Variants in HERC2 observed in about 807,000 individuals in gnomAD.
HERC2 encodes HECT and RLD domain containing E3 ubiquitin protein ligase 2, also known as E3 ubiquitin-protein ligase HERC2.
In HERC2, 102 loss-of-function variants were observed where a neutral mutation model predicts 537.7. That is an observed-to-expected ratio of 0.19 (90% CI 0.16 to 0.22). The LOEUF is 0.22. Ranked by LOEUF, HERC2 falls within the 10% of genes least tolerant of loss-of-function variation. The probability of loss-of-function intolerance (pLI) is 1.00; values close to 1 mark genes in which losing one functional copy is unlikely to be tolerated. For synonymous variants in HERC2, 2,224 were observed against 2,466.2 expected (o/e 0.90, Z 2.91); for missense variants, 4,236 against 6,198.2 (o/e 0.68, Z 10.63).
chr15:28,273,766 A>C (rs1596366840), intron 7 of HERC2, among the ~76,000 whole-genome samples: 1 of 152,204 alleles, frequency 6.6e-6, no homozygotes, highest in African/African-American at 2.4e-5. Flanking sequence ...GTTGAATTTT[A>C]TATTTTCTTT....
intron 14 of HERC2, among the ~76,000 whole-genome samples, chr15:28,264,750 A>G (rs936852710): frequency 6.6e-6 from 1 of 152,172 alleles, no homozygotes; most frequent in Non-Finnish European, 1.5e-5. Flanking sequence ...ACCGGGAAAT[A>G]TTTTAAGGTC....
chr15:28,181,643 C>T lies in HERC2; in HGVS notation c.8937+758G>A, dbSNP rs184795932. On this transcript the variant is annotated intron_variant, in intron 57 of 92. Transcript: ENST00000261609. ...ATTTAGAGGAATTTGCTTTGTGGCT[C>T]CTCAGCCAGGAGACACTAAGTAATA... Among the ~76,000 whole-genome samples, 75 of 152,302 alleles carry T rather than the reference C, an allele frequency of 4.9e-4. No individual in the cohort carries two copies. In the East Asian group the frequency reaches 9.7e-3, roughly 20 times the overall value.
chr15:28,237,282 A>G (rs1902564514), intron 25 of HERC2, among the ~76,000 whole-genome samples, 169 bp from the exon 26 acceptor site: 1 of 152,260 alleles, frequency 6.6e-6, no homozygotes, highest in South Asian at 2.1e-4. Context: ...CCCAAGTAAC[A>G]GCAGATACCA....
rs759243796 is a variant in HERC2 at position 28,113,627 on chromosome 15, G to T, written c.13965C>A (p.Arg4655=). The stretch of plus-strand genomic sequence containing the variant: ...GAGAGAGGAGGGGAACAGGCACAAC[G>T]CGGGCCATTCCTTCCCGAACAGCAG... ...QVAAVREGMA[R]VVPVPLLSLF... The change falls in exon 91 of 93, where the codon CGC becomes CGA. Residue 4655 remains arginine, a synonymous_variant. Coordinates refer to ENST00000261609, the MANE Select transcript of HERC2 (RefSeq NM_004667.6). The surrounding 1 kb of genome is among the most constrained non-coding windows in gnomAD (Gnocchi z 7.0). 1.9e-6 allele frequency: 3 copies of T among 1,614,082 alleles called. No homozygotes were observed. Among genetic ancestry groups the T allele is most frequent in the Non-Finnish European group, 2.5e-6 (3 of 1,180,036 alleles).
intron 2 of HERC2, among the ~76,000 whole-genome samples, chr15:28,304,165 CAAAAAAAA>C (rs779514776): frequency 7.8e-5 from 5 of 63,818 alleles, no homozygotes; most frequent in Non-Finnish European, 1.2e-4. Context: ...GACTCCATCT[CAAAAAAAA>C]AAAAAAAAAA....
chr15:28,177,166 T>C lies in HERC2; in HGVS notation c.9255-39A>G. ...AAATCAGCTCTCTACAGTCAATCTG[T>C]CCCTTCTTAGAGATGAAGGAAAAAA... On this transcript the variant is annotated intron_variant, in intron 60 of 92. Coordinates refer to ENST00000261609, the MANE Select transcript of HERC2 (RefSeq NM_004667.6). The surrounding 1 kb of genome is among the most constrained non-coding windows in gnomAD (Gnocchi z 5.0). The C allele has an allele frequency of 1.9e-6, 3 of 1,580,734 alleles. No homozygotes were observed. Among genetic ancestry groups the C allele is most frequent in the Non-Finnish European group, 8.6e-7 (1 of 1,159,414 alleles).
intron 78 of HERC2, among the ~76,000 whole-genome samples, chr15:28,137,572 T>C (rs1890781299): frequency 6.6e-6 from 1 of 152,264 alleles, no homozygotes; most frequent in South Asian, 2.1e-4. Flanking sequence ...ATGTTACTGT[T>C]GTACTTGTTT....
At chr15:28,315,690 G>A (rs1176375686) in intron 2 of HERC2, 35 of 785,252 alleles carry the variant, frequency 4.5e-5, no homozygotes, top group Middle Eastern at 3.4e-4. Context: ...AAACCTCTGC[G>A]CCATGAGAGC....
chr15:28,174,517 G>A lies in HERC2; in HGVS notation c.9935C>T (p.Thr3312Ile), dbSNP rs1396350112. The A allele has an allele frequency of 7.4e-6, 12 of 1,613,936 alleles. No individual in the cohort carries two copies. The highest frequency in any genetic ancestry group is 2.2e-5 in the East Asian group (1 of 44,892). The change falls in exon 65 of 93, where the codon ACA (threonine) becomes ATA (isoleucine). Residue 3312 changes from threonine (T) to isoleucine (I), a missense_variant. Physicochemically the swap from Thr to Ile is moderately conservative, Grantham distance 89 (BLOSUM62 -1). This residue lies in a region of HERC2 where 93 missense variants were observed against 265.1 expected (regional missense o/e 0.35). Transcript: ENST00000261609. ...GTGGGACGACCCACAAGCCACGCGT[G>A]TGATCTTCTGGCCTTCTAAGCCTTG... Reference protein sequence around the residue: ...LVQGLEGQKITRVACGSSHSV... With the variant: ...LVQGLEGQKIIRVACGSSHSV...
chr15:28,167,948 A>G, intron 67 of HERC2, 121 bp from the exon 68 acceptor site: 1 of 1,120,864 alleles, frequency 8.9e-7, no homozygotes, highest in East Asian at 2.5e-5. Flanking sequence ...AATGTTCCAG[A>G]TTTTACAGAG....
intron 48 of HERC2, among the ~76,000 whole-genome samples, chr15:28,200,409 A>C (rs1025207074): frequency 1.4e-4 from 22 of 152,136 alleles, no homozygotes; most frequent in African/African-American, 4.1e-4. Context: ...AACAAACAAA[A>C]AAAAAAGGTA....
At chr15:28,215,223 T>C (rs1385207740) in intron 39 of HERC2, among the ~76,000 whole-genome samples, 3 of 152,228 alleles carry the variant, frequency 2.0e-5, no homozygotes, top group Non-Finnish European at 4.4e-5. Context: ...AGTGAAAATT[T>C]TGAGATTCAT....
At position 28,167,783 on chromosome 15, in the gene HERC2, C is replaced by T. The variant is rs138954615; in HGVS notation, c.10458G>A (p.Pro3486=). 1.9e-4 allele frequency: 308 copies of T among 1,614,142 alleles called. No individual in the cohort carries two copies. The highest frequency in any genetic ancestry group is 1.6e-3 in the Middle Eastern group (10 of 6,062). The change falls in exon 68 of 93, where the codon CCG becomes CCA. Residue 3486 remains proline, a synonymous_variant. Coordinates refer to ENST00000261609, the MANE Select transcript of HERC2 (RefSeq NM_004667.6). ...GCCGAGCGGAGGCTGAGGGGGCCGA[C>T]GGAGTCACTGCAGAGGGGGTCACTG... ...EDAVTPSAVT[P]SAPSASARPF... is the part of the protein sequence containing the mutation.
rs1019678651 is a variant in HERC2 at position 28,173,334 on chromosome 15, T to A, written c.10057+1061A>T. Among the ~76,000 whole-genome samples the A allele has an allele frequency of 1.9e-3, 286 of 152,230 alleles. 1 individual carries two copies. The highest frequency in any genetic ancestry group is 6.3e-3 in the African/African-American group (260 of 41,554). On this transcript the variant is annotated intron_variant, in intron 65 of 92. Coordinates refer to ENST00000261609, the MANE Select transcript of HERC2 (RefSeq NM_004667.6). The stretch of plus-strand genomic sequence containing the variant: ...AACAGCCCAAACATTCATCAACAGA[T>A]AAATGGATAAACAAATTGCATTTGT...
intron 9 of HERC2, among the ~76,000 whole-genome samples, chr15:28,271,463 T>TCGAGA (rs1049507042): frequency 5.3e-5 from 8 of 152,034 alleles, no homozygotes; most frequent in African/African-American, 1.9e-4. Context: ...GGTCGAGAGA[T>TCGAGA]CGAGACCATC....
intron 52 of HERC2, among the ~76,000 whole-genome samples, chr15:28,195,478 T>C (rs1347285635): frequency 3.3e-5 from 5 of 152,096 alleles, no homozygotes; most frequent in Admixed American, 6.6e-5. Context: ...AAAAAAGTGA[T>C]ATATGCATAC....
Position 28,176,457 on chromosome 15 carries a change from C to A in HERC2, c.9657G>T (p.Ala3219=). The change falls in exon 63 of 93, where the codon GCG becomes GCT. Residue 3219 remains alanine, a synonymous_variant. Coordinates refer to ENST00000261609, the MANE Select transcript of HERC2 (RefSeq NM_004667.6). The surrounding 1 kb of genome is among the most constrained non-coding windows in gnomAD (Gnocchi z 5.0). ...QIECGAQFSL[A]LTKSGVVWTW... is the part of the protein sequence containing the mutation. ...TCCACACCACTCCAGACTTGGTGAG[C>A]GCCAGGGAGAACTGAGCTCCACACT... The A allele has an allele frequency of 6.2e-7, 1 of 1,614,024 alleles. No individual in the cohort carries two copies. The highest frequency in any genetic ancestry group is 8.5e-7 in the Non-Finnish European group (1 of 1,179,964).
chr15:28,209,966 T>TTG (rs1898971395), intron 44 of HERC2, among the ~76,000 whole-genome samples: 1 of 143,894 alleles, frequency 6.9e-6, no homozygotes, highest in Non-Finnish European at 1.5e-5. Flanking sequence ...TTTTTTTTTT[T>TTG]GAGACAAAGT....
intron 68 of HERC2, 128 bp downstream of exon 68, chr15:28,167,559 C>A: frequency 8.9e-7 from 1 of 1,124,516 alleles, no homozygotes; most frequent in Non-Finnish European, 1.3e-6. Flanking sequence ...TTCGAAGATG[C>A]TAACAAGTGG....
Sources: allele counts gnomAD v4.1 joint callset (sites outside exome capture counted in the v4.1 genomes callset), GRCh38; gene constraint gnomAD v4.1.1; regional missense constraint gnomAD v4.1.1; non-coding constraint Gnocchi (gnomAD v3.1); transcripts MANE v1.5; gene names NCBI Gene and HGNC (gene_info 2026-07-23, HGNC 2026-07-21).